USP36: variants seen among roughly 807,000 people sequenced by gnomAD.
USP36 encodes ubiquitin carboxyl-terminal hydrolase 36.
In USP36, 59 loss-of-function variants were observed where a neutral mutation model predicts 111.5. The observed-to-expected ratio is 0.53, with a 90% CI of 0.43 to 0.66. USP36 has a LOEUF of 0.66. Among genes scored for constraint, USP36 ranks in the 30% least tolerant of loss-of-function variants. The pLI, the probability that USP36 is intolerant of heterozygous loss-of-function variation, is 0.00. For synonymous variants in USP36, 628 were observed against 581.0 expected (o/e 1.08, Z -1.16); for missense variants, 1,488 against 1,468.0 (o/e 1.01, Z -0.22).
chr17:78,798,901 AT>A lies in USP36; in HGVS notation c.3240+6del. ...CTCAAGCCTGTGGTCAGCATCACACATCATACCTTCCCTCGGTCAAACTCTT... is the reference window on the plus strand; with the variant it reads ...CTCAAGCCTGTGGTCAGCATCACACACATACCTTCCCTCGGTCAAACTCTT... On this transcript the variant is annotated splice_donor_region_variant and intron_variant, in intron 19 of 20. Transcript: ENST00000449938. This position sits in a 1 kb window ranked among gnomAD's most constrained non-coding sequence, Gnocchi z 5.1. The A allele has an allele frequency of 1.2e-6, 2 of 1,614,008 alleles. No individual in the cohort carries two copies. Among genetic ancestry groups the A allele is most frequent in the Admixed American group, 1.7e-5 (1 of 60,020 alleles).
chr17:78,809,772 A>G (rs1356574282), intron 13 of USP36, among the ~76,000 whole-genome samples: 1 of 151,936 alleles, frequency 6.6e-6, no homozygotes, highest in Non-Finnish European at 1.5e-5. Flanking sequence ...ACAGACGTGC[A>G]CCACCACACC....
At position 78,806,252 on chromosome 17, in the gene USP36, A is replaced by G. The variant is rs1336699199; in HGVS notation, c.2120T>C (p.Leu707Pro). ...GGATGGTGAGGGGGGAGGTGGACGG[A>G]GGTCATTGCCGGTCGCCCTCCACAG... is the stretch of plus-strand genomic sequence containing the variant. ...STLWRATGND[L>P]RPPPPSPSSD... The change falls in exon 15 of 21, where the codon CTC becomes CCC. Residue 707 changes from leucine to proline, a missense_variant. Physicochemically the swap from Leu to Pro is moderately conservative, Grantham distance 98 (BLOSUM62 -3). Transcript: ENST00000449938. 3 of 1,613,822 alleles carry G rather than the reference A, an allele frequency of 1.9e-6. No homozygotes were observed. In the South Asian group the frequency reaches 3.3e-5, roughly 18 times the overall value.
At chr17:78,821,647 A>G (rs1475220210) in intron 7 of USP36, among the ~76,000 whole-genome samples, 1 of 151,766 alleles carries the variant, frequency 6.6e-6, no homozygotes, top group Non-Finnish European at 1.5e-5. Flanking sequence ...ATGGTTGGCC[A>G]GGCTGGCCTC....
chr17:78,815,725 C>A (rs547434860), intron 10 of USP36, among the ~76,000 whole-genome samples: 1 of 152,182 alleles, frequency 6.6e-6, no homozygotes, highest in Admixed American at 6.5e-5. Flanking sequence ...AATACACGCA[C>A]ACATATACAT....
At chr17:78,828,368 T>C (rs573286433) in intron 5 of USP36, among the ~76,000 whole-genome samples, 2 of 152,322 alleles carry the variant, frequency 1.3e-5, no homozygotes, top group South Asian at 4.1e-4. Flanking sequence ...GAGACTTTTT[T>C]ATAGCATAGG....
At chr17:78,836,030 A>C in intron 3 of USP36, 81 bp downstream of exon 3, 1 of 1,545,990 alleles carries the variant, frequency 6.5e-7, no homozygotes, top group Non-Finnish European at 8.7e-7. Context: ...TGTTTTTCCT[A>C]CTAATTAGTC....
chr17:78,792,700 T>TC (rs944467122), downstream of USP36, among the ~76,000 whole-genome samples: 2 of 151,484 alleles, frequency 1.3e-5, no homozygotes, highest in African/African-American at 2.4e-5. Flanking sequence ...CTCACTATGA[T>TC]CCCCCCGGGA....
intron 4 of USP36, among the ~76,000 whole-genome samples, chr17:78,832,230 A>G (rs2068203870): frequency 6.6e-6 from 1 of 152,250 alleles, no homozygotes. Context: ...GAGACAGTCC[A>G]GCCTACGGCA....
At chr17:78,799,876 CCTTTTT>C in intron 17 of USP36, 108 bp from the exon 18 acceptor site, 3 of 201,658 alleles carry the variant, frequency 1.5e-5, no homozygotes, top group South Asian at 1.1e-4. Flanking sequence ...TGGATGCTTG[CCTTTTT>C]TTTTTTTTTT....
In USP36 at chr17:78,803,447, C is replaced by T; in HGVS notation, c.2748G>A (p.Arg916=). 6.2e-7 allele frequency: 1 copy of T among 1,614,192 alleles called. No homozygotes were observed. Among genetic ancestry groups the T allele is most frequent in the Non-Finnish European group, 8.5e-7 (1 of 1,180,044 alleles). The part of the protein sequence containing the change: ...DGHHASSRKR[R]RKGAEGLGEE... Reference sequence around the variant, plus strand: ...CACCAAGACCTTCTGCTCCTTTCCTCCTCCGCTTCCTGCTGCTCGCGTGGT... The same window carrying T: ...CACCAAGACCTTCTGCTCCTTTCCTTCTCCGCTTCCTGCTGCTCGCGTGGT... Residue 916 remains arginine (R), a synonymous_variant, in exon 16 of 21, where the codon AGG becomes AGA. Transcript: ENST00000449938. This position sits in a 1 kb window ranked among gnomAD's most constrained non-coding sequence, Gnocchi z 4.6.
At position 78,840,789 on chromosome 17, in the gene USP36, G is replaced by A. The variant is rs560268535; in HGVS notation, c.-227C>T. ...CCTACGCAGCCCTGGCGACTCCTTC[G>A]GCCCGCGGCCCAGCACGCGCACCAT... is the stretch of plus-strand genomic sequence containing the variant. On this transcript the variant is annotated 5_prime_UTR_variant, in exon 1 of 21. Transcript: ENST00000449938. 1 of 152,406 alleles carries A rather than the reference G, an allele frequency of 6.6e-6. No individual in the cohort carries two copies. Among genetic ancestry groups the A allele is most frequent in the African/African-American group, 2.4e-5 (1 of 41,452 alleles). 9.4% of individuals were successfully genotyped at this position (152,406 alleles called of 1,614,324 possible).
Position 78,805,594 on chromosome 17 carries a change from C to T in USP36, c.2216+562G>A, listed in dbSNP as rs56262909. ...TTTACCAGTTACTCTCAACTTCCTGCCACTCGAGGCACCTAAGAGACGCAG... is the reference window on the plus strand; with the variant it reads ...TTTACCAGTTACTCTCAACTTCCTGTCACTCGAGGCACCTAAGAGACGCAG... On this transcript the variant is annotated intron_variant, in intron 15 of 20. Transcript: ENST00000449938. 4.1e-3 allele frequency among the ~76,000 whole-genome samples: 631 copies of T among 152,300 alleles called. 6 individuals carry two copies. Among genetic ancestry groups the T allele is most frequent in the African/African-American group, 0.014 (595 of 41,558 alleles).
At chr17:78,800,855 C>A (rs571593814) in intron 17 of USP36, among the ~76,000 whole-genome samples, 2 of 152,344 alleles carry the variant, frequency 1.3e-5, no homozygotes, top group East Asian at 3.9e-4. Flanking sequence ...CAGCACCTGG[C>A]ATGGACCCTG....
rs931443622 is a variant in USP36, at chr17:78,808,311, T to C, written c.1408-675A>G. On this transcript the variant is annotated intron_variant, in intron 13 of 20. Coordinates refer to ENST00000449938, the MANE Select transcript of USP36 (RefSeq NM_001385174.1). ...AGGCTGGAGTGCAGTGGCATGATGATGTCATCATAACTCACTGCAGCCTCA... is the reference window on the plus strand; with the variant it reads ...AGGCTGGAGTGCAGTGGCATGATGACGTCATCATAACTCACTGCAGCCTCA... Among the ~76,000 whole-genome samples, 118 of 152,292 alleles carry C rather than the reference T, an allele frequency of 7.7e-4. 1 individual carries two copies. The highest frequency in any genetic ancestry group is 2.8e-3 in the African/African-American group (116 of 41,552).
Position 78,819,988 on chromosome 17 carries a change from G to T in USP36, c.853C>A (p.Leu285Met). The T allele has an allele frequency of 6.2e-7, 1 of 1,614,144 alleles. No individual in the cohort carries two copies. The highest frequency in any genetic ancestry group is 1.1e-5 in the South Asian group (1 of 91,076). Residue 285 changes from leucine to methionine, a missense_variant, in exon 9 of 21, where the codon CTG becomes ATG. Around this residue, in one of 3 missense-constraint regions of USP36, gnomAD observed 196 missense variants for 264.4 expected, o/e 0.74. Coordinates refer to ENST00000449938, the MANE Select transcript of USP36 (RefSeq NM_001385174.1). ...ACATCTGCTTTCACAAAAAGTTCCA[G>T]AGCACGCACAATATTCGCAGCTTGC... ...IRQAANIVRALELFVKADVLS... is the reference protein window; with the variant it reads ...IRQAANIVRAMELFVKADVLS...
chr17:78,824,261 A>C (rs1472048958), intron 6 of USP36, among the ~76,000 whole-genome samples: 2 of 152,254 alleles, frequency 1.3e-5, no homozygotes. Context: ...GCCAACAAAA[A>C]AAATGAAATC....
In USP36 at chr17:78,798,263, A is replaced by G; in HGVS notation, c.*20+137T>C. The G allele has an allele frequency of 8.3e-7, 1 of 1,200,302 alleles. No individual in the cohort carries two copies. The highest frequency in any genetic ancestry group is 1.5e-5 in the South Asian group (1 of 66,734). 74.4% of individuals were successfully genotyped at this position (1,200,302 alleles called of 1,614,324 possible). A position where few individuals can be genotyped will look rare whatever the true frequency, so the allele number is the denominator to read the frequency against. On this transcript the variant is annotated intron_variant, in intron 20 of 20. Coordinates refer to ENST00000449938, the MANE Select transcript of USP36 (RefSeq NM_001385174.1). The surrounding 1 kb of genome is among the most constrained non-coding windows in gnomAD (Gnocchi z 5.1). ...CACCACAGACGCGCCCACACCACAC[A>G]CACCACCCAACACACATGTGCCAGA...
chr17:78,804,201 C>T (rs1203857018), intron 15 of USP36, among the ~76,000 whole-genome samples: 1 of 152,128 alleles, frequency 6.6e-6, no homozygotes, highest in Non-Finnish European at 1.5e-5. Flanking sequence ...GTGGCTCATG[C>T]CTATAATTCC....
intron 10 of USP36, 73 bp downstream of exon 10, chr17:78,818,594 T>C: frequency 1.5e-6 from 2 of 1,354,604 alleles, no homozygotes; most frequent in Admixed American, 1.7e-5. Flanking sequence ...CTCGTGGCTA[T>C]CACTTTCTTC....
Sources: allele counts gnomAD v4.1 joint callset (sites outside exome capture counted in the v4.1 genomes callset), GRCh38; gene constraint gnomAD v4.1.1; regional missense constraint gnomAD v4.1.1; non-coding constraint Gnocchi (gnomAD v3.1); transcripts MANE v1.5; gene names NCBI Gene and HGNC (gene_info 2026-07-23, HGNC 2026-07-21).